The following BMF variants were observed in gnomAD, a reference collection of about 807,000 sequenced individuals.
The protein encoded by BMF is bcl-2-modifying factor.
BMF carries 10 observed loss-of-function variants against 22.0 expected under a neutral mutation model. The ratio of observed to expected loss-of-function variants is 0.45; its 90% confidence interval spans 0.28 to 0.77. The LOEUF is 0.77. BMF is among the 30% of genes least tolerant of loss of function. The probability of loss-of-function intolerance (pLI) is 0.13; values close to 1 mark genes in which losing one functional copy is unlikely to be tolerated. For missense variants in BMF, 206 were observed against 226.8 expected, an observed-to-expected ratio of 0.91 and a Z score of 0.59; for synonymous variants, 87 against 88.1, an observed-to-expected ratio of 0.99 and a Z score of 0.07.
chr15:40,105,697 T>A, intron 3 of BMF, 98 bp downstream of exon 3: 1 of 1,386,078 alleles, frequency 7.2e-7, no homozygotes. Context: ...GCTGATCACT[T>A]TGGGGGAAGG....
chr15:40,099,780 CAAA>C (rs747996690), intron 4 of BMF, among the ~76,000 whole-genome samples: 1 of 64,428 alleles, frequency 1.6e-5, no homozygotes, highest in African/African-American at 6.9e-5. Flanking sequence ...GCTGTCTCAC[CAAA>C]AAAAAAAAAA....
rs115197928 is a variant in BMF, at chr15:40,093,955, A to G, written c.454-2067T>C. On this transcript the variant is annotated intron_variant, in intron 4 of 4. Coordinates refer to ENST00000354670, the MANE Select transcript of BMF (RefSeq NM_001003940.2). ...ATCATGCCCATTACTTAGCGACCAC[A>G]TAGCTAGTTTAAGTGGCAGGGACTG... is the stretch of plus-strand genomic sequence containing the variant. Among the ~76,000 whole-genome samples, 1,067 of 152,298 alleles carry G rather than the reference A, an allele frequency of 7.0e-3. 13 individuals are homozygous for G. Among genetic ancestry groups the G allele is most frequent in the African/African-American group, 0.025 (1,023 of 41,550 alleles).
At position 40,106,308 on chromosome 15, in the gene BMF, T is replaced by G; in HGVS notation, c.-5-217A>C. On this transcript the variant is annotated intron_variant, in intron 2 of 4. Coordinates refer to ENST00000354670, the MANE Select transcript of BMF (RefSeq NM_001003940.2). The surrounding 1 kb of genome is among the most constrained non-coding windows in gnomAD (Gnocchi z 4.1). ...AATGTTCAGGGGCTCTCCACACCTCTTCCCTGGGCCCGCCTGGAACCACCC... is the reference window on the plus strand; with the variant it reads ...AATGTTCAGGGGCTCTCCACACCTCGTCCCTGGGCCCGCCTGGAACCACCC... The G allele has an allele frequency of 2.1e-6, 1 of 477,900 alleles. No individual in the cohort carries two copies. The highest frequency in any genetic ancestry group is 3.5e-6 in the Non-Finnish European group (1 of 282,380). The allele number at this position is 477,900 out of a possible 1,614,324, so 29.6% of individuals were successfully genotyped here. A position where few individuals can be genotyped will look rare whatever the true frequency, so the allele number is the denominator to read the frequency against.
intron 4 of BMF, among the ~76,000 whole-genome samples, chr15:40,093,988 C>T (rs1016671803): frequency 2.0e-5 from 3 of 152,190 alleles, no homozygotes; most frequent in Non-Finnish European, 4.4e-5. Flanking sequence ...CTGGACTGAA[C>T]CTAGACCATC....
At chr15:40,103,303 G>C (rs2036516525) in intron 4 of BMF, among the ~76,000 whole-genome samples, 1 of 152,258 alleles carries the variant, frequency 6.6e-6, no homozygotes, top group Non-Finnish European at 1.5e-5. Context: ...CTGTGCTTCA[G>C]CTGTGGCTGT....
At chr15:40,096,421 C>T (rs879573336) in intron 4 of BMF, among the ~76,000 whole-genome samples, 1 of 152,158 alleles carries the variant, frequency 6.6e-6, no homozygotes, top group African/African-American at 2.4e-5. Context: ...AGAAGCAAAG[C>T]GAAGCCGTGT....
intron 3 of BMF, among the ~76,000 whole-genome samples, chr15:40,104,926 G>A (rs993104925): frequency 6.6e-6 from 1 of 152,162 alleles, no homozygotes; most frequent in Non-Finnish European, 1.5e-5. Flanking sequence ...CTAGACCAGC[G>A]CTCCACACTT....
chr15:40,106,263 C>T lies in BMF; in HGVS notation c.-5-172G>A, dbSNP rs530162209. 25 of 720,552 alleles carry T rather than the reference C, an allele frequency of 3.5e-5. No homozygotes were observed. In the African/African-American group the frequency reaches 3.9e-4, roughly 11 times the overall value. The allele number at this position is 720,552 out of a possible 1,614,324, so 44.6% of individuals were successfully genotyped here. A position where few individuals can be genotyped will look rare whatever the true frequency, so the allele number is the denominator to read the frequency against. On this transcript the variant is annotated intron_variant, in intron 2 of 4. Transcript: ENST00000354670. The surrounding 1 kb of genome is among the most constrained non-coding windows in gnomAD (Gnocchi z 4.1). ...AGCACTGCTAAGGGTGACATTCACT[C>T]CCCAAATGTGGACTGCCTGAATGTT...
In BMF at chr15:40,089,811, G is replaced by C. The variant is rs2036200800; in HGVS notation, c.*1976C>G. 1 of 152,312 alleles carries C rather than the reference G, an allele frequency of 6.6e-6. No individual in the cohort carries two copies. Among genetic ancestry groups the C allele is most frequent in the Non-Finnish European group, 1.5e-5 (1 of 68,042 alleles). 9.4% of individuals were successfully genotyped at this position (152,312 alleles called of 1,614,324 possible). Reference sequence around the variant, plus strand: ...GTATGTCCCATACACATCATAAAATGGTATGGAGACCCACAGGGAAGGCTG... The same window carrying C: ...GTATGTCCCATACACATCATAAAATCGTATGGAGACCCACAGGGAAGGCTG... On this transcript the variant is annotated 3_prime_UTR_variant, in exon 5 of 5. Transcript: ENST00000354670.
chr15:40,100,048 C>G (rs1731657372), intron 4 of BMF, among the ~76,000 whole-genome samples: 2 of 152,220 alleles, frequency 1.3e-5, no homozygotes, highest in Admixed American at 1.3e-4. Context: ...AAAGCCATTT[C>G]CAACATGAAG....
In BMF at chr15:40,091,650, G is replaced by T; in HGVS notation, c.*137C>A. The T allele has an allele frequency of 1.5e-6, 1 of 679,746 alleles. No homozygotes were observed. Among genetic ancestry groups the T allele is most frequent in the South Asian group, 2.0e-5 (1 of 49,922 alleles). 42.1% of individuals were successfully genotyped at this position (679,746 alleles called of 1,614,324 possible). On this transcript the variant is annotated 3_prime_UTR_variant, in exon 5 of 5. Transcript: ENST00000354670. ...CTTGAGTATGTTGTATGTACACTCA[G>T]AGAGAAATTAAAAAAAATTAAAACA...
chr15:40,098,696 AC>A lies in BMF; in HGVS notation c.453+5483del, dbSNP rs553291524. Reference sequence around the variant, plus strand: ...CTGCCAGACATGGATCAAAAGGCAAACCAGTCATTTTTCTTTAACCTTCTTT... The same window carrying A: ...CTGCCAGACATGGATCAAAAGGCAAACAGTCATTTTTCTTTAACCTTCTTT... On this transcript the variant is annotated intron_variant, in intron 4 of 4. Coordinates refer to ENST00000354670, the MANE Select transcript of BMF (RefSeq NM_001003940.2). 5.4e-4 allele frequency among the ~76,000 whole-genome samples: 82 copies of A among 152,098 alleles called. 1 individual carries two copies. The highest frequency in any genetic ancestry group is 4.8e-3 in the Admixed American group (74 of 15,284).
intron 4 of BMF, among the ~76,000 whole-genome samples, chr15:40,102,000 C>G (rs2036486193): frequency 6.6e-6 from 1 of 152,102 alleles, no homozygotes; most frequent in Non-Finnish European, 1.5e-5. Context: ...GCAGAGGAGA[C>G]TCTCATGCCT....
At chr15:40,108,683 C>T (rs2036636665) in intron 1 of BMF, 90 bp downstream of exon 1, 2 of 152,672 alleles carry the variant, frequency 1.3e-5, no homozygotes, top group South Asian at 3.9e-4. Context: ...CCTTCCCGGG[C>T]CCCCGTGCGC....
At chr15:40,103,694 A>T (rs1027615353) in intron 4 of BMF, among the ~76,000 whole-genome samples, 2 of 152,186 alleles carry the variant, frequency 1.3e-5, no homozygotes, top group South Asian at 2.1e-4. Flanking sequence ...CCCCAGCTGG[A>T]AAGTGTCAGG....
rs891987910 is a variant in BMF at position 40,091,648 on chromosome 15, C to T, written c.*139G>A. 1.5e-6 allele frequency: 1 copy of T among 672,960 alleles called. No homozygotes were observed. Among genetic ancestry groups the T allele is most frequent in the South Asian group, 2.0e-5 (1 of 49,552 alleles). The allele number at this position is 672,960 out of a possible 1,614,324, so 41.7% of individuals were successfully genotyped here. A position where few individuals can be genotyped will look rare whatever the true frequency, so the allele number is the denominator to read the frequency against. Reference sequence around the variant, plus strand: ...CGCTTGAGTATGTTGTATGTACACTCAGAGAGAAATTAAAAAAAATTAAAA... The same window carrying T: ...CGCTTGAGTATGTTGTATGTACACTTAGAGAGAAATTAAAAAAAATTAAAA... On this transcript the variant is annotated 3_prime_UTR_variant, in exon 5 of 5. Coordinates refer to ENST00000354670, the MANE Select transcript of BMF (RefSeq NM_001003940.2).
At chr15:40,100,966 G>A (rs1432443775) in intron 4 of BMF, among the ~76,000 whole-genome samples, 2 of 152,174 alleles carry the variant, frequency 1.3e-5, no homozygotes, top group Non-Finnish European at 2.9e-5. Context: ...CACTATCCCA[G>A]ATGTAGGGGA....
intron 4 of BMF, among the ~76,000 whole-genome samples, chr15:40,103,712 C>T (rs984651001): frequency 3.7e-4 from 57 of 152,232 alleles, no homozygotes; most frequent in African/African-American, 1.2e-3. Flanking sequence ...AGGTTTCAAC[C>T]GGTTCCACCA....
chr15:40,104,358 C>G lies in BMF; in HGVS notation c.293-18G>C. On this transcript the variant is annotated intron_variant, in intron 3 of 4. Transcript: ENST00000354670. ...AGCATTGCCTGCAAAGATAGAGGATCCACATCTCAGCATTCTCCACAACTG... is the reference window on the plus strand; with the variant it reads ...AGCATTGCCTGCAAAGATAGAGGATGCACATCTCAGCATTCTCCACAACTG... 1 of 1,613,244 alleles carries G rather than the reference C, an allele frequency of 6.2e-7. No homozygotes were observed. Among genetic ancestry groups the G allele is most frequent in the Non-Finnish European group, 8.5e-7 (1 of 1,179,570 alleles).
Sources: gnomAD v4.1 joint callset for allele counts (sites outside exome capture counted in the v4.1 genomes callset) on GRCh38, gnomAD v4.1.1 for gene constraint, Gnocchi (gnomAD v3.1) non-coding constraint, MANE v1.5 for transcripts, NCBI Gene and HGNC (gene_info 2026-07-23, HGNC 2026-07-21) for gene names.